DGLUCY: variants seen among roughly 807,000 people sequenced by gnomAD.
The protein encoded by DGLUCY is D-glutamate cyclase.
Under a neutral mutation model 58.5 loss-of-function variants are expected in DGLUCY, and 58 were observed. The observed-to-expected ratio is 0.99, with a 90% CI of 0.80 to 1.23. The LOEUF is 1.23. DGLUCY is among the 50% of genes most tolerant of loss of function. The pLI is 0.00. For synonymous variants in DGLUCY, 325 were observed against 314.1 expected, an observed-to-expected ratio of 1.03 and a Z score of -0.37; for missense variants, 779 against 784.7, an observed-to-expected ratio of 0.99 and a Z score of 0.09.
intron 12 of DGLUCY, among the ~76,000 whole-genome samples, chr14:91,205,907 C>T (rs1884615442): frequency 8.2e-6 from 1 of 122,576 alleles, no homozygotes; most frequent in East Asian, 2.7e-4. Context: ...GTAGTGCCAT[C>T]TTGGTCGCTG....
chr14:91,087,508 G>A (rs927398418), intron 1 of DGLUCY, among the ~76,000 whole-genome samples: 1 of 152,228 alleles, frequency 6.6e-6, no homozygotes, highest in Non-Finnish European at 1.5e-5. Flanking sequence ...CTACAATTTA[G>A]CTTAAATATT....
intron 1 of DGLUCY, among the ~76,000 whole-genome samples, chr14:91,079,573 C>T (rs2044090802): frequency 6.6e-6 from 1 of 152,066 alleles, no homozygotes; most frequent in Admixed American, 6.6e-5. Flanking sequence ...GGGCTGGTCA[C>T]AAACATAAAC....
At chr14:91,160,602 A>T (rs1378244209) in intron 3 of DGLUCY, among the ~76,000 whole-genome samples, 1 of 152,090 alleles carries the variant, frequency 6.6e-6, no homozygotes, top group Admixed American at 6.6e-5. Flanking sequence ...AAGGTATGGA[A>T]ACCCATCAGA....
chr14:91,069,799 C>CTTTTTTTTTTTTT (rs5810528), intron 1 of DGLUCY, among the ~76,000 whole-genome samples: 1 of 121,038 alleles, frequency 8.3e-6, no homozygotes, highest in African/African-American at 3.2e-5. Flanking sequence ...TGATATGCCT[C>CTTTTTTTTTTTTT]TTTTTTTTTT....
chr14:91,061,646 A>G (rs1006268628), intron 1 of DGLUCY, among the ~76,000 whole-genome samples: 3 of 152,240 alleles, frequency 2.0e-5, no homozygotes, highest in African/African-American at 7.2e-5. Flanking sequence ...AGCAATAGAC[A>G]TTCCACACAG....
intron 1 of DGLUCY, among the ~76,000 whole-genome samples, chr14:91,072,881 C>T (rs1435581600): frequency 3.9e-5 from 6 of 151,910 alleles, no homozygotes; most frequent in African/African-American, 1.2e-4. Context: ...CGGTGGCGGG[C>T]GCCTGTCGTC....
chr14:91,062,893 G>A (rs1398120026), intron 1 of DGLUCY, among the ~76,000 whole-genome samples: 2 of 152,054 alleles, frequency 1.3e-5, no homozygotes, highest in African/African-American at 4.8e-5. Context: ...TTGTTCACTC[G>A]AAAACTTTTA....
intron 1 of DGLUCY, among the ~76,000 whole-genome samples, chr14:91,118,504 A>G (rs760722307): frequency 6.6e-6 from 1 of 152,198 alleles, no homozygotes; most frequent in Non-Finnish European, 1.5e-5. Flanking sequence ...AATATGGTGA[A>G]GAAACATATT....
chr14:91,196,957 G>T (rs1014137072), intron 10 of DGLUCY, among the ~76,000 whole-genome samples: 1 of 151,950 alleles, frequency 6.6e-6, no homozygotes, highest in African/African-American at 2.4e-5. Flanking sequence ...TGTGTGTTAT[G>T]GTCAAACTTT....
intron 3 of DGLUCY, among the ~76,000 whole-genome samples, chr14:91,164,786 A>C (rs2048183680): frequency 6.6e-6 from 1 of 152,206 alleles, no homozygotes; most frequent in South Asian, 2.1e-4. Context: ...GCTGGGCCAG[A>C]CCTGAAGCCA....
chr14:91,071,122 G>C (rs962045471), intron 1 of DGLUCY, among the ~76,000 whole-genome samples: 4 of 151,816 alleles, frequency 2.6e-5, no homozygotes, highest in Non-Finnish European at 5.9e-5. Context: ...CACAAGGTCA[G>C]GAGATAGAGA....
At position 91,154,046 on chromosome 14, in the gene DGLUCY, C is replaced by T. The variant is rs544428308; in HGVS notation, c.-81-3593C>T. ...TCAGCCTCCCAAGTAGCTGGAATTA[C>T]GGGTGTGCACCACTATGCCCAGCTA... is the stretch of plus-strand genomic sequence containing the variant. On this transcript the variant is annotated intron_variant, in intron 1 of 13. Coordinates refer to ENST00000256324, the MANE Select transcript of DGLUCY (RefSeq NM_001102368.3). Among the ~76,000 whole-genome samples, 35 of 152,262 alleles carry T rather than the reference C, an allele frequency of 2.3e-4. No individual in the cohort carries two copies. In the Middle Eastern group the frequency reaches 0.014, roughly 59 times the overall value.
At chr14:91,214,818 C>T (rs566541413) in intron 12 of DGLUCY, among the ~76,000 whole-genome samples, 1 of 151,970 alleles carries the variant, frequency 6.6e-6, no homozygotes, top group Non-Finnish European at 1.5e-5. Flanking sequence ...TCGTGCTAGC[C>T]TGGGGGACAG....
intron 1 of DGLUCY, among the ~76,000 whole-genome samples, chr14:91,108,551 G>GAGAA (rs2044639387): frequency 2.0e-5 from 3 of 150,320 alleles, no homozygotes; most frequent in Admixed American, 1.3e-4. Context: ...GAGAGAGAGA[G>GAGAA]AGAGAGAGAC....
At chr14:91,205,407 G>T (rs778910022) in intron 12 of DGLUCY, among the ~76,000 whole-genome samples, 29 of 152,144 alleles carry the variant, frequency 1.9e-4, no homozygotes, top group Non-Finnish European at 3.4e-4. Flanking sequence ...GTCTAGGTGT[G>T]GCCTCCTCCT....
chr14:91,124,203 G>A (rs940697594), intron 1 of DGLUCY, among the ~76,000 whole-genome samples: 15 of 152,140 alleles, frequency 9.9e-5, no homozygotes, highest in Non-Finnish European at 1.9e-4. Context: ...TGGGATTACA[G>A]GCGTGAGCCA....
At position 91,134,728 on chromosome 14, in the gene DGLUCY, G is replaced by A. The variant is rs190508102; in HGVS notation, c.-82+20445G>A. 1.5e-3 allele frequency among the ~76,000 whole-genome samples: 227 copies of A among 152,224 alleles called. 2 individuals are homozygous for A. The highest frequency in any genetic ancestry group is 0.014 in the Middle Eastern group (4 of 294). ...GCTGGGATTACAGGCATGAGCCACC[G>A]TGCCCGGCCTCACAATTACATTTCT... On this transcript the variant is annotated intron_variant, in intron 1 of 13. Coordinates refer to ENST00000256324, the MANE Select transcript of DGLUCY (RefSeq NM_001102368.3).
intron 1 of DGLUCY, among the ~76,000 whole-genome samples, chr14:91,061,884 T>C (rs1303338988): frequency 6.6e-6 from 1 of 152,112 alleles, no homozygotes; most frequent in Non-Finnish European, 1.5e-5. Flanking sequence ...GCTGCAAGGA[T>C]AGAACTAAAG....
chr14:91,064,808 T>C (rs920090599), intron 1 of DGLUCY, among the ~76,000 whole-genome samples: 5 of 152,010 alleles, frequency 3.3e-5, no homozygotes, highest in African/African-American at 1.2e-4. Context: ...TCCACTGAAT[T>C]TGTCAACTTG....
Sources: gnomAD v4.1 joint callset for allele counts (sites outside exome capture counted in the v4.1 genomes callset) on GRCh38, gnomAD v4.1.1 for gene constraint, MANE v1.5 for transcripts, NCBI Gene and HGNC (gene_info 2026-07-23, HGNC 2026-07-21) for gene names.